The following RUNX3 variants were observed in gnomAD, a reference collection of about 807,000 sequenced individuals.
The protein encoded by RUNX3 is runt-related transcription factor 3.
In RUNX3, 10 loss-of-function variants were observed where a neutral mutation model predicts 27.7. The ratio of observed to expected loss-of-function variants is 0.36; its 90% CI spans 0.22 to 0.61. The LOEUF is 0.61. Ranked by LOEUF, RUNX3 falls within the 20% of genes least tolerant of loss-of-function variation. The pLI is 0.72. For synonymous variants in RUNX3, 270 were observed against 269.2 expected (o/e 1.00, Z -0.03); for missense variants, 469 against 629.5 (o/e 0.75, Z 2.73).
intron 2 of RUNX3, among the ~76,000 whole-genome samples, chr1:24,954,620 C>T (rs1182545756): frequency 6.6e-6 from 1 of 152,232 alleles, no homozygotes; most frequent in Non-Finnish European, 1.5e-5. Flanking sequence ...ATGCCGCCGT[C>T]ACTAGCCCTG....
chr1:24,929,773 G>T lies in RUNX3; in HGVS notation c.96C>A (p.Asn32Lys). ...CGGGGGKMGE[N>K]SGALSAQAAV... is the part of the protein sequence containing the mutation. The stretch of plus-strand genomic sequence containing the variant: ...CCGCCTGCGCGCTCAGCGCGCCGCT[G>T]TTCTCGCCCATCTTGCCGCCGCCGC... The change falls in exon 1 of 5, where the codon AAC becomes AAA. Residue 32 changes from asparagine (N) to lysine (K), a missense_variant. Physicochemically the swap from Asn to Lys is moderately conservative, Grantham distance 94. Transcript: ENST00000308873. The T allele has an allele frequency of 6.9e-7, 1 of 1,449,028 alleles. No individual in the cohort carries two copies. 89.8% of individuals were successfully genotyped at this position (1,449,028 alleles called of 1,614,324 possible).
intron 1 of RUNX3, chr1:24,929,369 G>A (rs113900467): frequency 2.9e-6 from 2 of 701,048 alleles, no homozygotes; most frequent in East Asian, 2.7e-5. Context: ...CAGGTGGAGC[G>A]GGGCAACCCC....
chr1:24,955,949 C>T (rs1641910523), intron 2 of RUNX3, among the ~76,000 whole-genome samples: 1 of 152,284 alleles, frequency 6.6e-6, no homozygotes, highest in African/African-American at 2.4e-5. Flanking sequence ...GCCCACCTCA[C>T]ATCCTAAGTC....
rs565175610 is a variant in RUNX3 at position 24,949,769 on chromosome 1, C to G, written c.58+14745G>C. Among the ~76,000 whole-genome samples the G allele has an allele frequency of 9.8e-5, 15 of 152,400 alleles. No individual in the cohort carries two copies. The South Asian group carries it at 2.9e-3, about 29-fold the overall frequency. ...CCCACCCACCACCTCTGGCCTGCCA[C>G]TCTGGGCCAGGCCTCTCTGGAGCGG... On this transcript the variant is annotated intron_variant, in intron 2 of 6. Transcript: ENST00000338888.
At chr1:24,928,415 C>T (rs573250904) in intron 1 of RUNX3, among the ~76,000 whole-genome samples, 4 of 152,170 alleles carry the variant, frequency 2.6e-5, no homozygotes, top group Non-Finnish European at 5.9e-5. Context: ...CACCATCTCC[C>T]CCAAATCCCC....
chr1:24,907,761 C>T (rs937229813), intron 3 of RUNX3, among the ~76,000 whole-genome samples: 7 of 151,232 alleles, frequency 4.6e-5, no homozygotes, highest in African/African-American at 7.3e-5. Context: ...ACCTCTACAA[C>T]ACGCGGTGAT....
At chr1:24,934,334 T>G (rs1641297647), upstream of RUNX3, among the ~76,000 whole-genome samples, 1 of 152,134 alleles carries the variant, frequency 6.6e-6, no homozygotes, top group South Asian at 2.1e-4. Context: ...ATTCAGAATG[T>G]GTGGGAGCAC....
At chr1:24,948,139 C>G (rs554445996) in intron 2 of RUNX3, among the ~76,000 whole-genome samples, 5 of 152,182 alleles carry the variant, frequency 3.3e-5, no homozygotes, top group Non-Finnish European at 7.4e-5. Flanking sequence ...GACAGGAGCT[C>G]GTGGCAGGTG....
chr1:24,911,410 G>A (rs964053925), intron 3 of RUNX3, among the ~76,000 whole-genome samples: 1 of 152,190 alleles, frequency 6.6e-6, no homozygotes, highest in Non-Finnish European at 1.5e-5. Context: ...GCCTGGGTTC[G>A]AGGACGGGTC....
chr1:24,917,743 G>A lies in RUNX3; in HGVS notation c.544+1497C>T, dbSNP rs187890910. 6.3e-4 allele frequency among the ~76,000 whole-genome samples: 96 copies of A among 152,294 alleles called. No individual in the cohort carries two copies. In the East Asian group the frequency reaches 8.7e-3, roughly 14 times the overall value. On this transcript the variant is annotated intron_variant, in intron 3 of 4. Coordinates refer to ENST00000308873, the MANE Select transcript of RUNX3 (RefSeq NM_004350.3). ...TTTTCAGTTCAGGAAACTGAGGCAC[G>A]GAGATGACTAGCCCAAGGACCCACA...
Position 24,908,140 on chromosome 1 carries a change from C to T in RUNX3, c.545-723G>A, listed in dbSNP as rs894162185. 6.0e-5 allele frequency among the ~76,000 whole-genome samples: 8 copies of T among 132,904 alleles called. 1 individual carries two copies. The highest frequency in any genetic ancestry group is 1.3e-4 in the Non-Finnish European group (8 of 63,804). The allele number at this position is 132,904 out of a possible 152,430, so 87.2% of individuals were successfully genotyped here. On this transcript the variant is annotated intron_variant, in intron 3 of 4. Coordinates refer to ENST00000308873, the MANE Select transcript of RUNX3 (RefSeq NM_004350.3). ...CGGTGATCCAAACCTCTATGACACG[C>T]GGTGATCCGAACCTCTACGACACGC...
At chr1:24,948,001 T>C (rs1641655442) in intron 2 of RUNX3, among the ~76,000 whole-genome samples, 1 of 152,200 alleles carries the variant, frequency 6.6e-6, no homozygotes, top group African/African-American at 2.4e-5. Flanking sequence ...TGTCAGACAA[T>C]GGGACCCTCC....
intron 4 of RUNX3, 39 bp downstream of exon 4, chr1:24,907,220 C>A: frequency 6.3e-7 from 1 of 1,592,846 alleles, no homozygotes; most frequent in East Asian, 2.2e-5. Context: ...CCCTCCACCC[C>A]CACCTCACCC....
At chr1:24,918,672 C>T (rs1438017709) in intron 3 of RUNX3, among the ~76,000 whole-genome samples, 5 of 152,164 alleles carry the variant, frequency 3.3e-5, no homozygotes, top group Non-Finnish European at 7.3e-5. Context: ...CTTAATCTGA[C>T]CTTCAGCAAG....
intron 3 of RUNX3, 141 bp from the exon 4 acceptor site, chr1:24,907,558 C>T (rs1367369150): frequency 1.3e-6 from 1 of 791,454 alleles, no homozygotes; most frequent in Non-Finnish European, 2.0e-6. Flanking sequence ...CCGCCAGCCT[C>T]TTCACAGAGG....
rs1328044814 is a variant in RUNX3 at position 24,930,221 on chromosome 1, G to T, written c.-353C>A. Reference sequence around the variant, plus strand: ...GCCTCCCGCCCCGAAGCTCGCCCGCGGCCGCCCCGACTCCGCGGCCGCAGC... The same window carrying T: ...GCCTCCCGCCCCGAAGCTCGCCCGCTGCCGCCCCGACTCCGCGGCCGCAGC... On this transcript the variant is annotated 5_prime_UTR_variant, in exon 1 of 5. Coordinates refer to ENST00000308873, the MANE Select transcript of RUNX3 (RefSeq NM_004350.3). The surrounding 1 kb of genome is among the most constrained non-coding windows in gnomAD (Gnocchi z 4.1). 1 of 982,140 alleles carries T rather than the reference G, an allele frequency of 1.0e-6. No homozygotes were observed. The highest frequency in any genetic ancestry group is 4.7e-5 in the South Asian group (1 of 21,266). 60.8% of individuals were successfully genotyped at this position (982,140 alleles called of 1,614,324 possible).
intron 3 of RUNX3, among the ~76,000 whole-genome samples, chr1:24,917,117 GCCCGGT>G (rs1640905035): frequency 6.6e-6 from 1 of 152,134 alleles, no homozygotes; most frequent in African/African-American, 2.4e-5. Context: ...GGCCAACCTT[GCCCGGT>G]CCCTTGGATC....
At chr1:24,948,970 AC>A (rs1379573911) in intron 2 of RUNX3, among the ~76,000 whole-genome samples, 2 of 152,004 alleles carry the variant, frequency 1.3e-5, no homozygotes, top group African/African-American at 4.8e-5. Context: ...CCCCTGTGAT[AC>A]AAATAATATG....
chr1:24,948,598 T>G lies in RUNX3; in HGVS notation c.58+15916A>C, dbSNP rs547510570. On this transcript the variant is annotated intron_variant, in intron 2 of 6. Coordinates refer to the RUNX3 transcript ENST00000338888. ...GGGCCATGTACAGGGCAGGGGTGCA[T>G]GTGGAGGAGGGGTACATGCAGGATG... Among the ~76,000 whole-genome samples, 190 of 140,600 alleles carry G rather than the reference T, an allele frequency of 1.4e-3. 2 individuals carry two copies. The highest frequency in any genetic ancestry group is 2.5e-3 in the Non-Finnish European group (163 of 64,854). The allele number at this position is 140,600 out of a possible 152,430, so 92.2% of individuals were successfully genotyped here.
Sources: gnomAD v4.1 joint callset for allele counts (sites outside exome capture counted in the v4.1 genomes callset) on GRCh38, gnomAD v4.1.1 for gene constraint, Gnocchi (gnomAD v3.1) non-coding constraint, MANE v1.5 for transcripts, NCBI Gene and HGNC (gene_info 2026-07-23, HGNC 2026-07-21) for gene names.